Variants in ZNF268 observed in about 807,000 individuals in gnomAD.
ZNF268 encodes the protein zinc finger protein 3.
In ZNF268, 20 loss-of-function variants were observed where a neutral mutation model predicts 29.3. That is an observed-to-expected ratio of 0.68 (90% CI 0.48 to 0.99). ZNF268 has a LOEUF of 0.99. Among genes scored for constraint, ZNF268 ranks in the 50% least tolerant of loss-of-function variants. ZNF268 has a pLI of 0.00. For synonymous variants in ZNF268, 429 were observed against 376.9 expected (o/e 1.14, Z -1.60); for missense variants, 1,240 against 1,121.6 (o/e 1.11, Z -1.51).
intron 5 of ZNF268, among the ~76,000 whole-genome samples, chr12:133,194,361 A>G (rs1394977077): frequency 2.0e-5 from 3 of 152,202 alleles, no homozygotes; most frequent in Non-Finnish European, 2.9e-5. Context: ...CAGCTCCAGG[A>G]TCAACTAAGT....
rs1957008048 is a variant in ZNF268, at chr12:133,212,823, G to A, written c.*8293G>A. ...TTCCACCTCAGCCTCCTGGGTAGCT[G>A]GAACTACAGGTGCCACTACACCCAA... On this transcript the variant is annotated 3_prime_UTR_variant, in exon 6 of 6. Transcript: ENST00000536435. 1 of 152,050 alleles carries A rather than the reference G, an allele frequency of 6.6e-6. No homozygotes were observed. The highest frequency in any genetic ancestry group is 1.5e-5 in the Non-Finnish European group (1 of 68,026). 9.4% of individuals were successfully genotyped at this position (152,050 alleles called of 1,614,324 possible). A position where few individuals can be genotyped will look rare whatever the true frequency, so the allele number is the denominator to read the frequency against.
At position 133,209,263 on chromosome 12, in the gene ZNF268, G is replaced by C. The variant is rs1593944247; in HGVS notation, c.*4733G>C. 1 of 152,034 alleles carries C rather than the reference G, an allele frequency of 6.6e-6. No homozygotes were observed. Among genetic ancestry groups the C allele is most frequent in the East Asian group, 1.9e-4 (1 of 5,146 alleles). The allele number at this position is 152,034 out of a possible 1,614,324, so 9.4% of individuals were successfully genotyped here. A position where few individuals can be genotyped will look rare whatever the true frequency, so the allele number is the denominator to read the frequency against. On this transcript the variant is annotated 3_prime_UTR_variant, in exon 6 of 6. Transcript: ENST00000536435. ...TGATTTTTCTTAATTCTTTGCTAAA[G>C]GGCCAGGTAGAGTTATTTATTTCTT... is the stretch of plus-strand genomic sequence containing the variant.
intron 5 of ZNF268, among the ~76,000 whole-genome samples, chr12:133,200,121 A>G (rs11611008): frequency 0.53 from 79,955 of 151,658 alleles, 21,840 homozygotes; most frequent in Non-Finnish European, 0.61. Flanking sequence ...TGTGATGTTA[A>G]GGTGTCAATT....
intron 5 of ZNF268, among the ~76,000 whole-genome samples, chr12:133,193,870 T>G (rs11610678): frequency 0.18 from 27,657 of 152,128 alleles, 3,224 homozygotes; most frequent in Non-Finnish European, 0.26. Context: ...TCTCTCCCAC[T>G]GCTCCACCTA....
intron 2 of ZNF268, among the ~76,000 whole-genome samples, chr12:133,186,438 A>G (rs116045627): frequency 0.02 from 3,058 of 150,968 alleles, 112 homozygotes; most frequent in African/African-American, 0.071. Flanking sequence ...GCTGGAGTAC[A>G]GTGGCACTCA....
At chr12:133,197,388 T>C (rs1217026653) in intron 5 of ZNF268, among the ~76,000 whole-genome samples, 1 of 151,500 alleles carries the variant, frequency 6.6e-6, no homozygotes, top group East Asian at 1.9e-4. Context: ...TATGGCTGCA[T>C]AGTATTCCAT....
chr12:133,202,516 G>T lies in ZNF268; in HGVS notation c.830G>T (p.Gly277Val). The change falls in exon 6 of 6, where the codon GGA (glycine) becomes GTA (valine). Residue 277 changes from glycine to valine, a missense_variant. Transcript: ENST00000536435. ...QQMYMGEKPF[G>V]CSCCEKAFSS... ...ATGTATATGGGCGAAAAACCCTTTG[G>T]ATGCAGCTGTTGTGAGAAAGCCTTC... The T allele has an allele frequency of 6.2e-7, 1 of 1,612,320 alleles. No individual in the cohort carries two copies.
rs1191610067 is a variant in ZNF268, at chr12:133,213,628, G to A, written c.*9098G>A. Reference sequence around the variant, plus strand: ...GGAGGATCGCTTGAAGCTGTGAGGTGGAGGTTGCAGTGAGCCGAGATCATG... The same window carrying A: ...GGAGGATCGCTTGAAGCTGTGAGGTAGAGGTTGCAGTGAGCCGAGATCATG... On this transcript the variant is annotated 3_prime_UTR_variant, in exon 6 of 6. Coordinates refer to ENST00000536435, the MANE Select transcript of ZNF268 (RefSeq NM_003415.3). 6.7e-6 allele frequency: 1 copy of A among 150,364 alleles called. No individual in the cohort carries two copies. Among genetic ancestry groups the A allele is most frequent in the Non-Finnish European group, 1.5e-5 (1 of 67,872 alleles). The allele number at this position is 150,364 out of a possible 1,614,324, so 9.3% of individuals were successfully genotyped here. A position where few individuals can be genotyped will look rare whatever the true frequency, so the allele number is the denominator to read the frequency against.
chr12:133,202,098 G>A (rs7963812), intron 5 of ZNF268, 46 bp from the exon 6 acceptor site: 470,219 of 1,421,564 alleles, frequency 0.33, 83,075 homozygotes, highest in African/African-American at 0.42. Context: ...CTAGTATACC[G>A]CAATCATGTG....
At chr12:133,182,210 C>T (rs887475364) in intron 2 of ZNF268, among the ~76,000 whole-genome samples, 180 bp downstream of exon 2, 45 of 152,142 alleles carry the variant, frequency 3.0e-4, no homozygotes, top group African/African-American at 1.1e-3. Context: ...ATCCGACTTC[C>T]TTTTTTCCTC....
Position 133,203,777 on chromosome 12 carries a change from A to T in ZNF268, c.2091A>T (p.Gly697=), listed in dbSNP as rs1426361593. Residue 697 remains glycine, a synonymous_variant, in exon 6 of 6, where the codon GGA becomes GGT. Transcript: ENST00000536435. ...QRSHTGVKPY[G]CSECGKAFRS... ...GTCACACAGGAGTAAAACCATATGG[A>T]TGCAGTGAGTGTGGGAAAGCCTTCA... 1.3e-6 allele frequency: 2 copies of T among 1,564,200 alleles called. No homozygotes were observed. Among genetic ancestry groups the T allele is most frequent in the East Asian group, 2.3e-5 (1 of 42,734 alleles).
rs766307839 is a variant in ZNF268, at chr12:133,202,516, G to A, written c.830G>A (p.Gly277Glu). 3 of 1,612,320 alleles carry A rather than the reference G, an allele frequency of 1.9e-6. No individual in the cohort carries two copies. Among genetic ancestry groups the A allele is most frequent in the Non-Finnish European group, 2.5e-6 (3 of 1,179,182 alleles). The change falls in exon 6 of 6, where the codon GGA becomes GAA. Residue 277 changes from glycine to glutamate, a missense_variant. Transcript: ENST00000536435. ...ATGTATATGGGCGAAAAACCCTTTGGATGCAGCTGTTGTGAGAAAGCCTTC... is the reference window on the plus strand; with the variant it reads ...ATGTATATGGGCGAAAAACCCTTTGAATGCAGCTGTTGTGAGAAAGCCTTC... ...QQMYMGEKPF[G>E]CSCCEKAFSS...
Position 133,210,849 on chromosome 12 carries a change from T to C in ZNF268, c.*6319T>C. 1 of 456,068 alleles carries C rather than the reference T, an allele frequency of 2.2e-6. No homozygotes were observed. The highest frequency in any genetic ancestry group is 3.3e-4 in the Middle Eastern group (1 of 3,070). 28.3% of individuals were successfully genotyped at this position (456,068 alleles called of 1,614,324 possible). ...AGGTCTGTGAGCAGAATGCAGGTAC[T>C]GCAAGCAGGCTAGACAAGGTGTGTG... On this transcript the variant is annotated 3_prime_UTR_variant, in exon 6 of 6. Coordinates refer to ENST00000536435, the MANE Select transcript of ZNF268 (RefSeq NM_003415.3).
Position 133,206,506 on chromosome 12 carries a change from TTTC to T in ZNF268, c.*1980_*1982del, listed in dbSNP as rs1242930777. 6.6e-6 allele frequency: 1 copy of T among 152,202 alleles called. No individual in the cohort carries two copies. Among genetic ancestry groups the T allele is most frequent in the Non-Finnish European group, 1.5e-5 (1 of 68,036 alleles). The allele number at this position is 152,202 out of a possible 1,614,324, so 9.4% of individuals were successfully genotyped here. The stretch of plus-strand genomic sequence containing the variant: ...CCAGTTGCTTACTCACAAAGTTAGT[TTTC>T]TTCACTACCTCATCAGGTTTGTTAT... On this transcript the variant is annotated 3_prime_UTR_variant, in exon 6 of 6. Transcript: ENST00000536435.
Position 133,202,993 on chromosome 12 carries a change from G to T in ZNF268, c.1307G>T (p.Arg436Ile), listed in dbSNP as rs751435321. 1.4e-5 allele frequency: 22 copies of T among 1,548,914 alleles called. No homozygotes were observed. The highest frequency in any genetic ancestry group is 2.7e-5 in the African/African-American group (2 of 73,378). ...NTKSNLMVHQ[R>I]THTGEKPYVC... ...AAGTCAAACCTTATGGTACATCAGA[G>T]AACCCATACAGGGGAGAAACCTTAT... The change falls in exon 6 of 6, where the codon AGA becomes ATA. Residue 436 changes from arginine to isoleucine, a missense_variant. Arg to Ile is a moderately conservative substitution (Grantham distance 97, BLOSUM62 -3). Around this residue, in one of 3 missense-constraint regions of ZNF268, gnomAD observed 1,177 missense variants for 1,039.6 expected, o/e 1.13. Transcript: ENST00000536435.
chr12:133,193,335 AAAG>A (rs1371129536), intron 5 of ZNF268: 11 of 513,754 alleles, frequency 2.1e-5, no homozygotes, highest in African/African-American at 1.4e-4. Flanking sequence ...CATCTCAAAA[AAAG>A]AAGACTTCTG....
chr12:133,183,268 T>G (rs994097021), intron 2 of ZNF268, among the ~76,000 whole-genome samples: 1 of 152,002 alleles, frequency 6.6e-6, no homozygotes, highest in Non-Finnish European at 1.5e-5. Context: ...CACAACGGAT[T>G]TGAGGGTAGA....
At chr12:133,198,818 A>G (rs1469553693) in intron 5 of ZNF268, among the ~76,000 whole-genome samples, 1 of 149,096 alleles carries the variant, frequency 6.7e-6, no homozygotes, top group Non-Finnish European at 1.5e-5. Context: ...GAGTTCACTC[A>G]TGATTTGGCT....
Position 133,204,001 on chromosome 12 carries a change from G to T in ZNF268, c.2315G>T (p.Arg772Leu), listed in dbSNP as rs373286359. ...NRKDQLISHQ[R>L]THAGEKPYGC... ...AAAGACCAGCTCATTTCACATCAGC[G>T]AACTCATGCAGGGGAAAAGCCTTAT... is the stretch of plus-strand genomic sequence containing the variant. The change falls in exon 6 of 6, where the codon CGA becomes CTA. Residue 772 changes from arginine (R) to leucine (L), a missense_variant. Arg to Leu is a moderately radical substitution (Grantham distance 102). Around this residue, in one of 3 missense-constraint regions of ZNF268, gnomAD observed 1,177 missense variants for 1,039.6 expected, o/e 1.13. Coordinates refer to ENST00000536435, the MANE Select transcript of ZNF268 (RefSeq NM_003415.3). 6.3e-7 allele frequency: 1 copy of T among 1,581,828 alleles called. No individual in the cohort carries two copies. Among genetic ancestry groups the T allele is most frequent in the Admixed American group, 1.8e-5 (1 of 55,278 alleles).
Sources: allele counts gnomAD v4.1 joint callset (sites outside exome capture counted in the v4.1 genomes callset), GRCh38; gene constraint gnomAD v4.1.1; regional missense constraint gnomAD v4.1.1; transcripts MANE v1.5; gene names NCBI Gene and HGNC (gene_info 2026-07-23, HGNC 2026-07-21).